Variants in CALCRL observed in about 807,000 individuals in gnomAD.
CALCRL encodes calcitonin gene-related peptide type 1 receptor.
In CALCRL, 27 loss-of-function variants were observed where a neutral mutation model predicts 60.4. The observed-to-expected ratio is 0.45, with a 90% CI of 0.33 to 0.62. The LOEUF (loss-of-function observed/expected upper bound fraction) is 0.62, where lower values mean the gene tolerates loss of function less well. CALCRL is among the 20% of genes least tolerant of loss of function. The pLI, the probability that CALCRL is intolerant of heterozygous loss-of-function variation, is 0.03. For synonymous variants in CALCRL, 190 were observed against 182.6 expected, an observed-to-expected ratio of 1.04 and a Z score of -0.33; for missense variants, 424 against 540.7, an observed-to-expected ratio of 0.78 and a Z score of 2.14.
At position 187,352,135 on chromosome 2, in the gene CALCRL, C is replaced by T; in HGVS notation, c.1107G>A (p.Met369Ile). 6.2e-7 allele frequency: 1 copy of T among 1,612,062 alleles called. No homozygotes were observed. The highest frequency in any genetic ancestry group is 1.1e-5 in the South Asian group (1 of 91,038). Reference protein sequence around the residue: ...KIAEEVYDYIMHILMHFQGLL... With the variant: ...KIAEEVYDYIIHILMHFQGLL... Reference sequence around the variant, plus strand: ...ATACCTGGAAGTGCATAAGGATGTGCATGATGTAGTCATATACCTCCTCTG... The same window carrying T: ...ATACCTGGAAGTGCATAAGGATGTGTATGATGTAGTCATATACCTCCTCTG... Residue 369 changes from methionine (M) to isoleucine (I), a missense_variant, in exon 13 of 15, where the codon ATG becomes ATA. Physicochemically the swap from Met to Ile is conservative, Grantham distance 10 (BLOSUM62 1). This residue lies in a region of CALCRL where 222 missense variants were observed against 265.6 expected (regional missense o/e 0.84). Transcript: ENST00000392370.
intron 10 of CALCRL, 22 bp from the exon 11 acceptor site, chr2:187,359,294 A>G (rs1559041255): frequency 1.4e-6 from 2 of 1,469,764 alleles, no homozygotes; most frequent in Non-Finnish European, 1.8e-6. Flanking sequence ...AAAAAAAAAG[A>G]AAATAAATAG....
Position 187,359,073 on chromosome 2 carries a change from G to C in CALCRL, c.899C>G (p.Ala300Gly). 6.2e-7 allele frequency: 1 copy of C among 1,611,520 alleles called. No homozygotes were observed. Among genetic ancestry groups the C allele is most frequent in the South Asian group, 1.1e-5 (1 of 91,038 alleles). ...LLYIIHGPIC[A>G]ALLVNLFFLL... ...GAATTTGTTACATACCAGTAAAGCA[G>C]CACAAATTGGGCCATGGATAATGTA... The change falls in exon 12 of 15, where the codon GCT (alanine) becomes GGT (glycine). Residue 300 changes from alanine to glycine, a missense_variant. Around this residue, in one of 7 missense-constraint regions of CALCRL, gnomAD observed 222 missense variants for 265.6 expected, o/e 0.84. Coordinates refer to ENST00000392370, the MANE Select transcript of CALCRL (RefSeq NM_005795.6).
chr2:187,372,568 T>C (rs561695357), intron 8 of CALCRL, among the ~76,000 whole-genome samples: 1 of 152,258 alleles, frequency 6.6e-6, no homozygotes, highest in Non-Finnish European at 1.5e-5. Flanking sequence ...GGATGAGTGG[T>C]AGACTTTTCT....
chr2:187,399,015 A>G (rs1026958889), intron 1 of CALCRL, among the ~76,000 whole-genome samples: 6 of 151,548 alleles, frequency 4.0e-5, no homozygotes, highest in Admixed American at 1.3e-4. Context: ...TGGAATAATC[A>G]CTATGTGTGG....
Position 187,375,010 on chromosome 2 carries a change from C to T in CALCRL, c.500+3930G>A, listed in dbSNP as rs1374296198. ...TGAGTTGGCCGGGCGCGGTGGCTCA[C>T]GCCTGTAATCCCAGCACTTTGGGAG... is the stretch of plus-strand genomic sequence containing the variant. On this transcript the variant is annotated intron_variant, in intron 8 of 14. Transcript: ENST00000392370. Among the ~76,000 whole-genome samples the T allele has an allele frequency of 2.0e-5, 3 of 152,154 alleles. No individual in the cohort carries two copies. In the East Asian group the frequency reaches 5.8e-4, roughly 29 times the overall value.
intron 1 of CALCRL, among the ~76,000 whole-genome samples, chr2:187,412,046 G>A (rs889242112): frequency 1.2e-4 from 18 of 150,006 alleles, no homozygotes; most frequent in African/African-American, 4.4e-4. Flanking sequence ...CCTTTCTAAC[G>A]AGAGGCATTA....
In CALCRL at chr2:187,345,640, A is replaced by G. The variant is rs935166231; in HGVS notation, c.*544T>C. 2 of 151,840 alleles carry G rather than the reference A, an allele frequency of 1.3e-5. No individual in the cohort carries two copies. Among genetic ancestry groups the G allele is most frequent in the Non-Finnish European group, 2.9e-5 (2 of 67,976 alleles). The allele number at this position is 151,840 out of a possible 1,614,324, so 9.4% of individuals were successfully genotyped here. A position where few individuals can be genotyped will look rare whatever the true frequency, so the allele number is the denominator to read the frequency against. On this transcript the variant is annotated 3_prime_UTR_variant, in exon 15 of 15. Transcript: ENST00000392370. ...CCAGCAGGGATAATTCACTTCTGGT[A>G]TTGTCCATTTGAGAGGGTAGTTACA...
At chr2:187,434,731 CA>C (rs1690558003) in intron 1 of CALCRL, among the ~76,000 whole-genome samples, 1 of 152,100 alleles carries the variant, frequency 6.6e-6, no homozygotes, top group Admixed American at 6.6e-5. Flanking sequence ...AGGATAAATA[CA>C]TTGTGTTACA....
At chr2:187,366,796 T>C (rs937158693) in intron 8 of CALCRL, among the ~76,000 whole-genome samples, 1 of 151,996 alleles carries the variant, frequency 6.6e-6, no homozygotes, top group African/African-American at 2.4e-5. Context: ...TATATTTCTG[T>C]TCCTCTCAGA....
chr2:187,392,645 TC>T (rs1688495611), intron 1 of CALCRL, among the ~76,000 whole-genome samples: 1 of 152,166 alleles, frequency 6.6e-6, no homozygotes, highest in South Asian at 2.1e-4. Flanking sequence ...AAAACCTAAG[TC>T]TTTGTGCTAG....
intron 1 of CALCRL, among the ~76,000 whole-genome samples, chr2:187,394,064 C>G (rs1437489547): frequency 6.6e-6 from 1 of 151,970 alleles, no homozygotes; most frequent in Non-Finnish European, 1.5e-5. Flanking sequence ...AAATTGAGCT[C>G]TTAAAAGAAG....
chr2:187,362,938 G>A (rs1036848253), intron 9 of CALCRL, among the ~76,000 whole-genome samples: 1 of 151,990 alleles, frequency 6.6e-6, no homozygotes, highest in Non-Finnish European at 1.5e-5. Flanking sequence ...CCATGTGCGT[G>A]TACTATTTTT....
At chr2:187,349,882 G>T (rs187605780) in intron 14 of CALCRL, among the ~76,000 whole-genome samples, 1 of 151,724 alleles carries the variant, frequency 6.6e-6, no homozygotes, top group Admixed American at 6.6e-5. Context: ...ATGTGTTTTT[G>T]AAAATAAGTG....
At chr2:187,414,784 T>C (rs1266187597) in intron 1 of CALCRL, among the ~76,000 whole-genome samples, 2 of 152,044 alleles carry the variant, frequency 1.3e-5, no homozygotes, top group African/African-American at 2.4e-5. Context: ...ACAACCAGTG[T>C]CTACCCACCA....
At chr2:187,411,494 G>T (rs1466429343) in intron 1 of CALCRL, among the ~76,000 whole-genome samples, 2 of 152,030 alleles carry the variant, frequency 1.3e-5, no homozygotes, top group African/African-American at 4.8e-5. Flanking sequence ...TTACAAGGAT[G>T]AATTTGAGCC....
chr2:187,407,170 A>G (rs888518822), intron 1 of CALCRL, among the ~76,000 whole-genome samples: 1 of 152,004 alleles, frequency 6.6e-6, no homozygotes, highest in Admixed American at 6.6e-5. Context: ...CTTTTTAATC[A>G]TTGGGATTCC....
intron 1 of CALCRL, among the ~76,000 whole-genome samples, chr2:187,414,076 A>G (rs1424382463): frequency 2.6e-5 from 4 of 152,198 alleles, no homozygotes; most frequent in Non-Finnish European, 5.9e-5. Context: ...ACAACACTCA[A>G]TAAATGTTAG....
At position 187,342,122 on chromosome 2, in the gene CALCRL, G is replaced by T. The variant is rs1686115997; in HGVS notation, c.*4062C>A. On this transcript the variant is annotated 3_prime_UTR_variant, in exon 15 of 15. Transcript: ENST00000392370. Reference sequence around the variant, plus strand: ...ATGAATGAATTTTAAAAACATAAGTGAAATCATTTAGTCACAAAAGGTCAC... The same window carrying T: ...ATGAATGAATTTTAAAAACATAAGTTAAATCATTTAGTCACAAAAGGTCAC... 6.6e-6 allele frequency among the ~76,000 whole-genome samples: 1 copy of T among 151,732 alleles called. No homozygotes were observed. The highest frequency in any genetic ancestry group is 6.6e-5 in the Admixed American group (1 of 15,220).
chr2:187,371,024 C>T (rs1014889133), intron 8 of CALCRL, among the ~76,000 whole-genome samples: 6 of 152,062 alleles, frequency 3.9e-5, no homozygotes, highest in African/African-American at 1.2e-4. Context: ...GGGCAGATCA[C>T]GAATTCAGGA....
Sources: gnomAD v4.1 joint callset for allele counts (sites outside exome capture counted in the v4.1 genomes callset) on GRCh38, gnomAD v4.1.1 for gene constraint, gnomAD v4.1.1 regional missense constraint, MANE v1.5 for transcripts, NCBI Gene and HGNC (gene_info 2026-07-23, HGNC 2026-07-21) for gene names.